Variants in TBL1X observed in about 807,000 individuals in gnomAD.
The protein encoded by TBL1X is transducin beta like 1 X-linked, also known as F-box-like/WD repeat-containing protein TBL1X.
TBL1X carries 10 observed loss-of-function variants against 50.7 expected under a neutral mutation model. The observed-to-expected ratio is 0.20, with a 90% CI of 0.12 to 0.33. The LOEUF (loss-of-function observed/expected upper bound fraction) is 0.33, where lower values mean the gene tolerates loss of function less well. Among genes scored for constraint, TBL1X ranks in the 10% least tolerant of loss-of-function variants. TBL1X has a pLI of 1.00. For missense variants in TBL1X, 340 were observed against 504.4 expected (o/e 0.67, Z 3.12); for synonymous variants, 190 against 214.7 (o/e 0.88, Z 1.01).
intron 2 of TBL1X, among the ~76,000 whole-genome samples, chrX:9,527,448 T>TA (rs200485782): frequency 9.1e-5 from 10 of 109,890 alleles, no homozygotes; most frequent in Non-Finnish European, 1.9e-4. Flanking sequence ...AAATGTGCGT[T>TA]AAAAAAAAAG....
chrX:9,597,313 T>C (rs186512413), intron 2 of TBL1X, among the ~76,000 whole-genome samples: 20 of 111,533 alleles, frequency 1.8e-4, no homozygotes, highest in African/African-American at 6.5e-4. Flanking sequence ...TTGAAGTACC[T>C]GCTGCTCTCC....
chrX:9,470,095 T>C (rs5979097), intron 1 of TBL1X, among the ~76,000 whole-genome samples: 410 of 112,494 alleles, frequency 3.6e-3, no homozygotes, highest in African/African-American at 0.012. Flanking sequence ...TTGCTCCTTT[T>C]TAAAATTTTT....
chrX:9,672,563 T>C (rs890954952), intron 5 of TBL1X, among the ~76,000 whole-genome samples: 4 of 110,948 alleles, frequency 3.6e-5, no homozygotes, highest in African/African-American at 1.3e-4. Flanking sequence ...CATCTGTGCC[T>C]GTAGTAATAT....
chrX:9,656,094 T>G (rs921389897), intron 5 of TBL1X, among the ~76,000 whole-genome samples: 1 of 112,417 alleles, frequency 8.9e-6, no homozygotes, highest in Non-Finnish European at 1.9e-5. Flanking sequence ...AAACAAAATA[T>G]GTACTGCCTC....
intron 2 of TBL1X, among the ~76,000 whole-genome samples, chrX:9,600,865 G>A (rs1313202581): frequency 3.6e-5 from 4 of 111,598 alleles, no homozygotes; most frequent in Non-Finnish European, 7.5e-5. Flanking sequence ...CCATTCCGGA[G>A]GATGACAGAG....
chrX:9,629,831 G>A (rs1442247135), intron 2 of TBL1X, among the ~76,000 whole-genome samples: 8 of 111,196 alleles, frequency 7.2e-5, no homozygotes, highest in Admixed American at 4.8e-4. Context: ...GATTACATGG[G>A]AAGTGAGTGT....
At chrX:9,613,079 A>T (rs1160483410) in intron 2 of TBL1X, among the ~76,000 whole-genome samples, 2 of 111,661 alleles carry the variant, frequency 1.8e-5, no homozygotes, top group East Asian at 5.6e-4. Context: ...GTGAAAAATA[A>T]TTTTTAAGCT....
chrX:9,520,842 A>G (rs2082103388), intron 2 of TBL1X, among the ~76,000 whole-genome samples: 1 of 111,608 alleles, frequency 9.0e-6, no homozygotes, highest in Admixed American at 9.5e-5. Flanking sequence ...CTGTAATCCC[A>G]GCACTTTGGG....
At chrX:9,599,612 C>T (rs775171531) in intron 2 of TBL1X, among the ~76,000 whole-genome samples, 2 of 112,284 alleles carry the variant, frequency 1.8e-5, no homozygotes, top group African/African-American at 6.5e-5. Context: ...CAATTGATTA[C>T]TTCTAGAAAT....
At chrX:9,544,973 A>C (rs1310489133) in intron 2 of TBL1X, among the ~76,000 whole-genome samples, 1 of 108,720 alleles carries the variant, frequency 9.2e-6, no homozygotes, top group Non-Finnish European at 1.9e-5. Context: ...AGTGAAATCC[A>C]AGGTTTATGT....
chrX:9,469,160 C>G (rs2081796465), intron 1 of TBL1X, among the ~76,000 whole-genome samples: 2 of 94,390 alleles, frequency 2.1e-5, no homozygotes, highest in South Asian at 1.1e-3. Flanking sequence ...GCCTAACATG[C>G]CTTTTTTGTT....
intron 2 of TBL1X, among the ~76,000 whole-genome samples, chrX:9,599,910 C>G (rs975818087): frequency 1.8e-5 from 2 of 111,940 alleles, no homozygotes; most frequent in African/African-American, 6.5e-5. Context: ...TGAAGCCATG[C>G]TAACCTCCCT....
chrX:9,508,552 A>G (rs2082037508), intron 2 of TBL1X, among the ~76,000 whole-genome samples: 1 of 112,473 alleles, frequency 8.9e-6, no homozygotes, highest in African/African-American at 3.2e-5. Context: ...ATCTAGAACC[A>G]GAAATACCAT....
At chrX:9,678,318 CT>C (rs2083006472) in intron 5 of TBL1X, among the ~76,000 whole-genome samples, 1 of 111,650 alleles carries the variant, frequency 9.0e-6, no homozygotes, top group Non-Finnish European at 1.9e-5. Context: ...CATGTGGTCT[CT>C]GTTGCACCTA....
chrX:9,618,593 C>T (rs1377463792), intron 2 of TBL1X, among the ~76,000 whole-genome samples: 3 of 111,677 alleles, frequency 2.7e-5, no homozygotes, highest in East Asian at 2.8e-4. Context: ...GCAGAAGAAT[C>T]GCTTGAACCT....
chrX:9,627,118 G>A (rs932537950), intron 2 of TBL1X, among the ~76,000 whole-genome samples: 1 of 111,735 alleles, frequency 8.9e-6, no homozygotes, highest in African/African-American at 3.3e-5. Flanking sequence ...AATAATGTAC[G>A]GATTTTAACA....
intron 16 of TBL1X, 51 bp from the exon 17 acceptor site, chrX:9,714,851 T>C: frequency 8.9e-7 from 1 of 1,124,894 alleles, no homozygotes; most frequent in Non-Finnish European, 1.2e-6. Flanking sequence ...CACACCTGCA[T>C]CTGTCGCAGG....
chrX:9,711,881 A>G, intron 16 of TBL1X, 105 bp downstream of exon 16: 1 of 922,637 alleles, frequency 1.1e-6, no homozygotes, highest in Non-Finnish European at 1.4e-6. Context: ...GAGTTGAGCA[A>G]GCTCAGGCTC....
At chrX:9,506,307 A>G (rs2082025553) in intron 2 of TBL1X, among the ~76,000 whole-genome samples, 1 of 111,679 alleles carries the variant, frequency 9.0e-6, no homozygotes, top group Admixed American at 9.6e-5. Flanking sequence ...AAGCAGTGTT[A>G]ATAGGGAAAT....
Sources: gnomAD v4.1 joint callset for allele counts (sites outside exome capture counted in the v4.1 genomes callset) on GRCh38, gnomAD v4.1.1 for gene constraint, MANE v1.5 for transcripts, NCBI Gene and HGNC (gene_info 2026-07-23, HGNC 2026-07-21) for gene names.